DCTN5: variants seen among roughly 807,000 people sequenced by gnomAD.
DCTN5 encodes the protein dynactin subunit 5, also known as dynactin 4.
Under a neutral mutation model 23.5 loss-of-function variants are expected in DCTN5, and 14 were observed. The ratio of observed to expected loss-of-function variants is 0.60; its 90% CI spans 0.39 to 0.93. The LOEUF is 0.93. Among genes scored for constraint, DCTN5 ranks in the 40% least tolerant of loss-of-function variants. The pLI, the probability that DCTN5 is intolerant of heterozygous loss-of-function variation, is 0.00. For synonymous variants in DCTN5, 67 were observed against 79.6 expected (o/e 0.84, Z 0.84); for missense variants, 156 against 225.9 (o/e 0.69, Z 1.98).
chr16:23,642,089 G>A (rs906127215), intron 1 of DCTN5, among the ~76,000 whole-genome samples: 3 of 152,000 alleles, frequency 2.0e-5, no homozygotes, highest in African/African-American at 7.2e-5. Flanking sequence ...CCGCCACCAC[G>A]CCCGGCTAAT....
chr16:23,651,124 A>T (rs897168194), intron 2 of DCTN5: 1 of 1,284,320 alleles, frequency 7.8e-7, no homozygotes, highest in Non-Finnish European at 9.9e-7. Flanking sequence ...AATAAATAAT[A>T]AAAATGCTGC....
At position 23,645,126 on chromosome 16, in the gene DCTN5, TATATATATATA is replaced by T. The variant is rs1344782854; in HGVS notation, c.117+2104_117+2114del. Among the ~76,000 whole-genome samples, 159 of 39,408 alleles carry T rather than the reference TATATATATATA, an allele frequency of 4.0e-3. 9 individuals carry two copies. The highest frequency in any genetic ancestry group is 9.6e-3 in the African/African-American group (80 of 8,306). The allele number at this position is 39,408 out of a possible 152,430, so 25.9% of individuals were successfully genotyped here. A position where few individuals can be genotyped will look rare whatever the true frequency, so the allele number is the denominator to read the frequency against. On this transcript the variant is annotated intron_variant, in intron 2 of 5. Coordinates refer to ENST00000300087, the MANE Select transcript of DCTN5 (RefSeq NM_032486.4). ...ATATATATATATATATATATATATA[TATATATATATA>T]TTTTTTTTTTTTTTAATACGCAGTT...
At chr16:23,649,598 T>C in intron 2 of DCTN5, among the ~76,000 whole-genome samples, 1 of 152,262 alleles carries the variant, frequency 6.6e-6, no homozygotes, top group Non-Finnish European at 1.5e-5. Flanking sequence ...ATCCCAGCTC[T>C]TCGAGAGGCC....
At chr16:23,641,736 T>C (rs903865472) in intron 1 of DCTN5, 146 bp downstream of exon 1, 2 of 845,256 alleles carry the variant, frequency 2.4e-6, no homozygotes, top group African/African-American at 1.7e-5. Context: ...CCGTGTACCG[T>C]CTGGCTTTGC....
chr16:23,673,121 C>G lies in DCTN5; in HGVS notation c.*5977C>G, dbSNP rs1266150508. On this transcript the variant is annotated 3_prime_UTR_variant, in exon 6 of 6. Transcript: ENST00000300087. ...CCAGCCTGGGCGACAGAGCGAGACT[C>G]CGTCTCAAAAAAAAAAAAAAAAACC... The G allele has an allele frequency of 7.1e-6, 1 of 141,584 alleles. No individual in the cohort carries two copies. Among genetic ancestry groups the G allele is most frequent in the Non-Finnish European group, 1.5e-5 (1 of 65,022 alleles). The allele number at this position is 141,584 out of a possible 1,614,324, so 8.8% of individuals were successfully genotyped here.
intron 1 of DCTN5, 175 bp from the exon 2 acceptor site, chr16:23,642,780 C>T: frequency 1.7e-6 from 1 of 605,490 alleles, no homozygotes; most frequent in East Asian, 2.8e-5. Context: ...AGCCACCATA[C>T]TCAGCCATAG....
rs749141018 is a variant in DCTN5, at chr16:23,669,218, G to A, written c.*2074G>A. 2.0e-5 allele frequency: 3 copies of A among 152,382 alleles called. No homozygotes were observed. Among genetic ancestry groups the A allele is most frequent in the African/African-American group, 4.8e-5 (2 of 41,438 alleles). 9.4% of individuals were successfully genotyped at this position (152,382 alleles called of 1,614,324 possible). On this transcript the variant is annotated 3_prime_UTR_variant, in exon 6 of 6. Transcript: ENST00000300087. ...GAACAACCAGATGGGAAGGACCTTG[G>A]TTGGGACTCTTTCCAGTTCACTTGG...
intron 4 of DCTN5, among the ~76,000 whole-genome samples, chr16:23,665,057 C>A (rs999968231): frequency 6.6e-6 from 1 of 152,194 alleles, no homozygotes; most frequent in Non-Finnish European, 1.5e-5. Flanking sequence ...AAATAAGATG[C>A]CTATTCCAGT....
chr16:23,674,080 A>G lies in DCTN5; in HGVS notation c.*6936A>G, dbSNP rs1287890918. The G allele has an allele frequency of 6.6e-6, 1 of 152,148 alleles. No individual in the cohort carries two copies. Among genetic ancestry groups the G allele is most frequent in the Non-Finnish European group, 1.5e-5 (1 of 68,024 alleles). The allele number at this position is 152,148 out of a possible 1,614,324, so 9.4% of individuals were successfully genotyped here. ...AAGCAGCTGCTTGTTGAGAATCTCAAATTCTCAGATCCTAATTGCCTGGCC... is the reference window on the plus strand; with the variant it reads ...AAGCAGCTGCTTGTTGAGAATCTCAGATTCTCAGATCCTAATTGCCTGGCC... On this transcript the variant is annotated 3_prime_UTR_variant, in exon 6 of 6. Coordinates refer to ENST00000300087, the MANE Select transcript of DCTN5 (RefSeq NM_032486.4).
intron 2 of DCTN5, among the ~76,000 whole-genome samples, chr16:23,658,127 GA>G (rs1358172517): frequency 6.6e-6 from 1 of 152,218 alleles, no homozygotes; most frequent in African/African-American, 2.4e-5. Flanking sequence ...TAAGAAAGAA[GA>G]CAAAGGTAAA....
intron 2 of DCTN5, among the ~76,000 whole-genome samples, chr16:23,652,975 C>T (rs947212075): frequency 6.6e-6 from 1 of 152,048 alleles, no homozygotes; most frequent in Non-Finnish European, 1.5e-5. Flanking sequence ...AGACCCCCAT[C>T]TCTACAAATA....
At chr16:23,660,192 T>C (rs1383601539) in intron 3 of DCTN5, among the ~76,000 whole-genome samples, 1 of 152,198 alleles carries the variant, frequency 6.6e-6, no homozygotes, top group Non-Finnish European at 1.5e-5. Flanking sequence ...CCAAAAATAC[T>C]AGTGGTTAAG....
At chr16:23,641,937 T>C (rs1967280142) in intron 1 of DCTN5, among the ~76,000 whole-genome samples, 2 of 152,090 alleles carry the variant, frequency 1.3e-5, no homozygotes, top group African/African-American at 2.4e-5. Flanking sequence ...TTCTTTTTTT[T>C]TGAGGAAGGG....
Position 23,656,685 on chromosome 16 carries a change from A to G in DCTN5, c.118-1822A>G, listed in dbSNP as rs572194822. Among the ~76,000 whole-genome samples the G allele has an allele frequency of 2.0e-4, 31 of 151,838 alleles. No homozygotes were observed. The South Asian group carries it at 5.6e-3, about 27-fold the overall frequency. On this transcript the variant is annotated intron_variant, in intron 2 of 5. Coordinates refer to ENST00000300087, the MANE Select transcript of DCTN5 (RefSeq NM_032486.4). Reference sequence around the variant, plus strand: ...TTTTTACTATTTATTTTTTCTTTCTATATGTACAGTTATTGCTTTAGATAA... The same window carrying G: ...TTTTTACTATTTATTTTTTCTTTCTGTATGTACAGTTATTGCTTTAGATAA...
At position 23,645,099 on chromosome 16, in the gene DCTN5, A is replaced by C. The variant is rs1256747031; in HGVS notation, c.117+2076A>C. ...CCAGCCTAACTATATATATATATAT[A>C]TATATATATATATATATATATATAT... On this transcript the variant is annotated intron_variant, in intron 2 of 5. Coordinates refer to ENST00000300087, the MANE Select transcript of DCTN5 (RefSeq NM_032486.4). Among the ~76,000 whole-genome samples the C allele has an allele frequency of 1.3e-4, 3 of 23,628 alleles. 1 individual carries two copies. Among genetic ancestry groups the C allele is most frequent in the East Asian group, 3.0e-3 (2 of 672 alleles). 15.5% of individuals were successfully genotyped at this position (23,628 alleles called of 152,430 possible). A position where few individuals can be genotyped will look rare whatever the true frequency, so the allele number is the denominator to read the frequency against.
At chr16:23,650,339 T>C (rs1967572911) in intron 2 of DCTN5, among the ~76,000 whole-genome samples, 1 of 152,108 alleles carries the variant, frequency 6.6e-6, no homozygotes, top group Non-Finnish European at 1.5e-5. Flanking sequence ...TTTATTTTCT[T>C]TTAAGATGGA....
At chr16:23,663,751 C>T (rs79387760) in intron 4 of DCTN5, among the ~76,000 whole-genome samples, 4,257 of 152,038 alleles carry the variant, frequency 0.028, 85 homozygotes, top group Middle Eastern at 0.095. Context: ...CAGCTTTTAC[C>T]TCCTCAGCTA....
chr16:23,661,336 C>T (rs1967807000), intron 4 of DCTN5, 55 bp downstream of exon 4: 2 of 1,289,916 alleles, frequency 1.6e-6, no homozygotes, highest in Non-Finnish European at 2.2e-6. Context: ...CAGCTCCCAT[C>T]CCTCACTTCG....
At chr16:23,657,005 TAA>T (rs1046540038) in intron 2 of DCTN5, among the ~76,000 whole-genome samples, 1 of 147,050 alleles carries the variant, frequency 6.8e-6, no homozygotes, top group Non-Finnish European at 1.5e-5. Context: ...AAAAAAAAAA[TAA>T]AGACTCATTA....
Sources: allele counts gnomAD v4.1 joint callset (sites outside exome capture counted in the v4.1 genomes callset), GRCh38; gene constraint gnomAD v4.1.1; transcripts MANE v1.5; gene names NCBI Gene and HGNC (gene_info 2026-07-23, HGNC 2026-07-21).